The following MYO1D variants were observed in gnomAD, a reference collection of about 807,000 sequenced individuals.
MYO1D encodes the protein unconventional myosin-Id.
A neutral mutation model predicts 122.0 loss-of-function variants in MYO1D; 83 were observed. The ratio of observed to expected loss-of-function variants is 0.68; its 90% CI spans 0.57 to 0.82. MYO1D has a LOEUF of 0.82. Among genes scored for constraint, MYO1D ranks in the 40% least tolerant of loss-of-function variants. The pLI is 0.00. For missense variants in MYO1D, 1,157 were observed against 1,269.5 expected, an observed-to-expected ratio of 0.91 and a Z score of 1.35; for synonymous variants, 464 against 446.9, an observed-to-expected ratio of 1.04 and a Z score of -0.48.
chr17:32,650,966 G>A (rs186616870), intron 19 of MYO1D, among the ~76,000 whole-genome samples: 1 of 152,226 alleles, frequency 6.6e-6, no homozygotes, highest in East Asian at 1.9e-4. Flanking sequence ...GTCATATGTT[G>A]TGAATTTTAC....
intron 19 of MYO1D, among the ~76,000 whole-genome samples, chr17:32,647,439 G>A (rs1011344916): frequency 1.1e-4 from 17 of 152,220 alleles, no homozygotes; most frequent in African/African-American, 4.1e-4. Flanking sequence ...AATCCAGCAG[G>A]ACCCAGGTAA....
intron 16 of MYO1D, among the ~76,000 whole-genome samples, chr17:32,686,994 CA>C (rs2089020776): frequency 1.6e-5 from 2 of 128,340 alleles, no homozygotes; most frequent in East Asian, 2.6e-4. Context: ...CACACACACA[CA>C]CACACACACA....
chr17:32,617,225 C>A (rs1390805400), intron 20 of MYO1D, among the ~76,000 whole-genome samples: 7 of 152,080 alleles, frequency 4.6e-5, no homozygotes, highest in Non-Finnish European at 8.8e-5. Context: ...CTTGAGGCCA[C>A]CATGTTGTGA....
chr17:32,775,949 CTTGAG>C lies in MYO1D; in HGVS notation c.474_478del (p.Asn158LysfsTer12). The C allele has an allele frequency of 6.2e-7, 1 of 1,613,870 alleles. No homozygotes were observed. Among genetic ancestry groups the C allele is most frequent in the Non-Finnish European group, 8.5e-7 (1 of 1,179,866 alleles). ...GATATCCATGTATTTTCCAAACCTG[CTTGAG>C]TTGTCATTACGGTTGGTTTTGGCAT... On this transcript the variant is annotated frameshift_variant, in exon 4 of 22. Coordinates refer to ENST00000318217, the MANE Select transcript of MYO1D (RefSeq NM_015194.3). LOFTEE classifies it high-confidence loss of function.
intron 2 of MYO1D, among the ~76,000 whole-genome samples, chr17:32,780,229 A>T (rs943252919): frequency 1.3e-5 from 2 of 152,142 alleles, no homozygotes; most frequent in African/African-American, 2.4e-5. Context: ...TCACACCTCA[A>T]TATTTCATTT....
intron 21 of MYO1D, among the ~76,000 whole-genome samples, chr17:32,595,849 AG>A (rs543006417): frequency 4.2e-4 from 64 of 152,250 alleles, no homozygotes; most frequent in African/African-American, 1.4e-3. Flanking sequence ...GGGAAAGATT[AG>A]GGGGGTTTGG....
chr17:32,700,119 A>G (rs1476823138), intron 16 of MYO1D, among the ~76,000 whole-genome samples: 2 of 152,194 alleles, frequency 1.3e-5, no homozygotes, highest in African/African-American at 4.8e-5. Context: ...ATTAAATAAT[A>G]ATATATCAGG....
intron 16 of MYO1D, among the ~76,000 whole-genome samples, chr17:32,706,500 A>G (rs936708596): frequency 6.6e-6 from 1 of 152,226 alleles, no homozygotes; most frequent in Admixed American, 6.5e-5. Context: ...TATAACAAAA[A>G]CAGCATGGTA....
intron 21 of MYO1D, among the ~76,000 whole-genome samples, chr17:32,506,291 T>C (rs540192464): frequency 3.3e-5 from 5 of 151,968 alleles, no homozygotes; most frequent in African/African-American, 9.7e-5. Context: ...ATTTGGGGGG[T>C]TAAAACACTG....
At chr17:32,554,178 G>A (rs879670544) in intron 21 of MYO1D, among the ~76,000 whole-genome samples, 3 of 151,862 alleles carry the variant, frequency 2.0e-5, no homozygotes, top group Non-Finnish European at 2.9e-5. Flanking sequence ...TCTCAACTGA[G>A]CTGAGAGTCC....
At chr17:32,529,947 G>C (rs1348564937) in intron 21 of MYO1D, 1 of 152,140 alleles carries the variant, frequency 6.6e-6, no homozygotes, top group African/African-American at 2.4e-5. Context: ...ATCTCCACTT[G>C]AACAATAGCG....
rs184694659 is a variant in MYO1D, at chr17:32,589,192, C to T, written c.2864+15895G>A. ...CTGATGGCCACAAGGTGGCCGGCCT[C>T]GTGGGGAGGCAGACCTGGGGCTTGG... On this transcript the variant is annotated intron_variant, in intron 21 of 21. Transcript: ENST00000318217. Among the ~76,000 whole-genome samples the T allele has an allele frequency of 3.2e-4, 48 of 152,306 alleles. 1 individual carries two copies. The East Asian group carries it at 7.7e-3, about 25-fold the overall frequency.
At chr17:32,530,775 T>C (rs1001984716) in intron 21 of MYO1D, among the ~76,000 whole-genome samples, 14 of 152,200 alleles carry the variant, frequency 9.2e-5, no homozygotes, top group African/African-American at 3.4e-4. Context: ...CACCCCAGCC[T>C]GGGCAACAGA....
chr17:32,522,629 G>A (rs1567876206), intron 21 of MYO1D, among the ~76,000 whole-genome samples: 1 of 152,154 alleles, frequency 6.6e-6, no homozygotes, highest in Non-Finnish European at 1.5e-5. Flanking sequence ...CTGGCACAAA[G>A]CAGGAGGGTG....
chr17:32,834,062 GCTTA>G (rs1391146458), intron 1 of MYO1D, among the ~76,000 whole-genome samples: 2 of 151,816 alleles, frequency 1.3e-5, no homozygotes, highest in African/African-American at 2.4e-5. Flanking sequence ...TGTCTTTTTT[GCTTA>G]CTATTTTACC....
chr17:32,873,333 G>T (rs577536838), intron 1 of MYO1D, among the ~76,000 whole-genome samples: 1 of 152,308 alleles, frequency 6.6e-6, no homozygotes, highest in Admixed American at 6.5e-5. Context: ...CCTTGCAGAA[G>T]AGCCAGGTGG....
chr17:32,509,002 T>C (rs1909594810), intron 21 of MYO1D, among the ~76,000 whole-genome samples: 1 of 152,206 alleles, frequency 6.6e-6, no homozygotes, highest in African/African-American at 2.4e-5. Context: ...AATGACATGA[T>C]TAAGAAAGCA....
rs568014053 is a variant in MYO1D at position 32,501,685 on chromosome 17, G to A, written c.2865-6770C>T. ...CACGTACCGGGAGGCATCCCAGTCC[G>A]CGAGGACAGACGAGCCTCTGCTTCT... On this transcript the variant is annotated intron_variant, in intron 21 of 21. Coordinates refer to ENST00000318217, the MANE Select transcript of MYO1D (RefSeq NM_015194.3). Among the ~76,000 whole-genome samples the A allele has an allele frequency of 5.3e-5, 8 of 152,322 alleles. No individual in the cohort carries two copies. The South Asian group carries it at 1.2e-3, about 24-fold the overall frequency.
chr17:32,599,375 CT>C (rs1259496858), intron 21 of MYO1D, among the ~76,000 whole-genome samples: 2 of 152,208 alleles, frequency 1.3e-5, no homozygotes, highest in African/African-American at 4.8e-5. Flanking sequence ...CATCTTCAGG[CT>C]CCACTTCCAA....
Sources: allele counts gnomAD v4.1 joint callset (sites outside exome capture counted in the v4.1 genomes callset), GRCh38; gene constraint gnomAD v4.1.1; transcripts MANE v1.5; gene names NCBI Gene and HGNC (gene_info 2026-07-23, HGNC 2026-07-21).